The following ZNF148 variants were observed in gnomAD, a reference collection of about 807,000 sequenced individuals.
ZNF148 encodes Beta-Enolase Repressor Factor-1.
In ZNF148, 7 loss-of-function variants were observed where a neutral mutation model predicts 67.7. The ratio of observed to expected loss-of-function variants is 0.10; its 90% CI spans 0.06 to 0.19. ZNF148 has a LOEUF of 0.19. Among genes scored for constraint, ZNF148 ranks in the 10% least tolerant of loss-of-function variants. ZNF148 has a pLI of 1.00. For missense variants in ZNF148, 583 were observed against 947.1 expected (o/e 0.62, Z 5.05); for synonymous variants, 333 against 330.7 (o/e 1.01, Z -0.08).
intron 5 of ZNF148, among the ~76,000 whole-genome samples, chr3:125,286,843 T>C (rs1208155744): frequency 1.3e-5 from 2 of 152,188 alleles, no homozygotes; most frequent in African/African-American, 4.8e-5. Flanking sequence ...TAGTTATCTC[T>C]AGGAAATGTA....
chr3:125,238,092 C>A (rs1005766033), intron 7 of ZNF148, among the ~76,000 whole-genome samples: 1 of 152,052 alleles, frequency 6.6e-6, no homozygotes, highest in Non-Finnish European at 1.5e-5. Context: ...TAGACCCCCC[C>A]CAACCAACTC....
At chr3:125,358,507 C>A (rs1402509297) in intron 1 of ZNF148, among the ~76,000 whole-genome samples, 1 of 152,214 alleles carries the variant, frequency 6.6e-6, no homozygotes, top group South Asian at 2.1e-4. Context: ...CCAACTTACA[C>A]AAATTTGCCC....
At chr3:125,309,490 G>A (rs1190980476) in intron 4 of ZNF148, among the ~76,000 whole-genome samples, 3 of 152,006 alleles carry the variant, frequency 2.0e-5, no homozygotes, top group African/African-American at 4.8e-5. Flanking sequence ...AGGCATATAC[G>A]ACATGAACAA....
chr3:125,277,267 T>C (rs115503663), intron 7 of ZNF148, among the ~76,000 whole-genome samples: 1 of 152,338 alleles, frequency 6.6e-6, no homozygotes, highest in Non-Finnish European at 1.5e-5. Flanking sequence ...AATTTCTAAA[T>C]CATTAATAAC....
At chr3:125,251,406 C>A (rs1374346233) in intron 7 of ZNF148, among the ~76,000 whole-genome samples, 1 of 152,176 alleles carries the variant, frequency 6.6e-6, no homozygotes, top group Non-Finnish European at 1.5e-5. Flanking sequence ...AGTATACAAA[C>A]CGTCTAAGTG....
chr3:125,274,804 T>G (rs1324315388), intron 7 of ZNF148, among the ~76,000 whole-genome samples: 2 of 152,230 alleles, frequency 1.3e-5, no homozygotes, highest in African/African-American at 4.8e-5. Flanking sequence ...TCACCAACCT[T>G]TGAGGGTCGG....
chr3:125,342,104 A>G (rs184241871), intron 1 of ZNF148, among the ~76,000 whole-genome samples: 1 of 144,202 alleles, frequency 6.9e-6, no homozygotes, highest in East Asian at 2.0e-4. Context: ...TGAAAAAAGT[A>G]GTAGCTTTAG....
chr3:125,350,125 T>G (rs374382132), intron 1 of ZNF148, among the ~76,000 whole-genome samples: 2 of 151,710 alleles, frequency 1.3e-5, no homozygotes, highest in African/African-American at 4.9e-5. Flanking sequence ...ATCCCACTTG[T>G]GCATATTTAT....
In ZNF148 at chr3:125,239,182, C is replaced by A. The variant is rs531188178; in HGVS notation, c.668-4853G>T. Among the ~76,000 whole-genome samples the A allele has an allele frequency of 1.4e-3, 208 of 152,216 alleles. 3 individuals are homozygous for A. The South Asian group carries it at 0.016, about 12-fold the overall frequency. ...ACAACATTATATATGTACTTAATGTCACTGAATTGCACACTTATGATAAAC... is the reference window on the plus strand; with the variant it reads ...ACAACATTATATATGTACTTAATGTAACTGAATTGCACACTTATGATAAAC... On this transcript the variant is annotated intron_variant, in intron 7 of 8. Coordinates refer to ENST00000360647, the MANE Select transcript of ZNF148 (RefSeq NM_021964.3).
chr3:125,272,312 G>T (rs1244119571), intron 7 of ZNF148, among the ~76,000 whole-genome samples: 1 of 152,184 alleles, frequency 6.6e-6, no homozygotes, highest in African/African-American at 2.4e-5. Flanking sequence ...ATGTAAGAAT[G>T]AGACCACTTC....
chr3:125,233,296 A>G lies in ZNF148; in HGVS notation c.1430T>C (p.Leu477Pro). The change falls in exon 9 of 9, where the codon CTT becomes CCT. Residue 477 changes from leucine to proline, a missense_variant. Leu to Pro is a moderately conservative substitution (Grantham distance 98). This residue lies in a region of ZNF148 where 172 missense variants were observed against 307.7 expected (regional missense o/e 0.56). Transcript: ENST00000360647. This position sits in a 1 kb window ranked among gnomAD's most constrained non-coding sequence, Gnocchi z 5.1. ...CCTGCTGTTGTTACTTGCTGCTTGAAGATACCGCTTCTTCTTCAAAAACTG... is the reference window on the plus strand; with the variant it reads ...CCTGCTGTTGTTACTTGCTGCTTGAGGATACCGCTTCTTCTTCAAAAACTG... ...AMQFLKKKRY[L>P]QAASNNSREY... The G allele has an allele frequency of 6.2e-7, 1 of 1,613,906 alleles. No homozygotes were observed. Among genetic ancestry groups the G allele is most frequent in the Non-Finnish European group, 8.5e-7 (1 of 1,179,896 alleles).
At chr3:125,256,091 T>C (rs1234829744) in intron 7 of ZNF148, among the ~76,000 whole-genome samples, 2 of 151,344 alleles carry the variant, frequency 1.3e-5, no homozygotes, top group Non-Finnish European at 2.9e-5. Flanking sequence ...AAAAAAAAAA[T>C]CGGCGGGGCG....
intron 7 of ZNF148, among the ~76,000 whole-genome samples, chr3:125,236,892 A>G (rs1936117979): frequency 6.6e-6 from 1 of 152,218 alleles, no homozygotes; most frequent in South Asian, 2.1e-4. Flanking sequence ...ATGAATCCAG[A>G]CCAATTCACT....
intron 1 of ZNF148, among the ~76,000 whole-genome samples, chr3:125,352,671 A>C (rs1162324707): frequency 6.6e-6 from 1 of 152,124 alleles, no homozygotes; most frequent in Non-Finnish European, 1.5e-5. Flanking sequence ...TTAAAAAAAA[A>C]AAAAAAAAAG....
intron 1 of ZNF148, among the ~76,000 whole-genome samples, chr3:125,340,520 G>A (rs1325410982): frequency 6.6e-6 from 1 of 152,202 alleles, no homozygotes; most frequent in African/African-American, 2.4e-5. Context: ...TCTCCCATCT[G>A]TAGACAATCA....
At chr3:125,283,980 T>C (rs1467046615) in intron 5 of ZNF148, among the ~76,000 whole-genome samples, 4 of 152,156 alleles carry the variant, frequency 2.6e-5, no homozygotes, top group African/African-American at 9.6e-5. Flanking sequence ...CTTTTTTCAG[T>C]ACCTGATGAG....
intron 5 of ZNF148, among the ~76,000 whole-genome samples, chr3:125,287,498 G>A (rs926312532): frequency 3.3e-5 from 5 of 152,128 alleles, no homozygotes; most frequent in African/African-American, 4.8e-5. Flanking sequence ...AATTAGCCAG[G>A]CATGTTGGCA....
chr3:125,290,369 T>C (rs187147169), intron 4 of ZNF148, among the ~76,000 whole-genome samples: 120 of 152,252 alleles, frequency 7.9e-4, no homozygotes, highest in Non-Finnish European at 1.2e-4. Flanking sequence ...TTTCCCTCTT[T>C]ATTTTCCTGA....
chr3:125,349,977 A>G (rs1414496360), intron 1 of ZNF148, among the ~76,000 whole-genome samples: 1 of 152,234 alleles, frequency 6.6e-6, no homozygotes, highest in African/African-American at 2.4e-5. Flanking sequence ...AAAAATAACA[A>G]TAACAAGTAT....
Sources: allele counts gnomAD v4.1 joint callset (sites outside exome capture counted in the v4.1 genomes callset), GRCh38; gene constraint gnomAD v4.1.1; regional missense constraint gnomAD v4.1.1; non-coding constraint Gnocchi (gnomAD v3.1); transcripts MANE v1.5; gene names NCBI Gene and HGNC (gene_info 2026-07-23, HGNC 2026-07-21).